Variants in UGT1A10 observed in about 807,000 individuals in gnomAD.
UGT1A10 encodes the protein UDP-glucuronosyltransferase 1A10.
In UGT1A10, 49 loss-of-function variants were observed where a neutral mutation model predicts 45.8. The observed-to-expected ratio is 1.07, with a 90% CI of 0.85 to 1.36. UGT1A10 has a LOEUF of 1.36. Ranked by LOEUF, UGT1A10 falls within the 40% of genes most tolerant of loss-of-function variation. The pLI is 0.00. For missense variants in UGT1A10, 745 were observed against 668.6 expected, an observed-to-expected ratio of 1.11 and a Z score of -1.26; for synonymous variants, 284 against 249.7, an observed-to-expected ratio of 1.14 and a Z score of -1.29.
At chr2:233,690,662 C>A (rs1369472374) in intron 1 of UGT1A10, 3 of 1,274,194 alleles carry the variant, frequency 2.4e-6, no homozygotes, top group African/African-American at 1.5e-5. Flanking sequence ...CAGCACCAAC[C>A]AGGGCAGGCC....
intron 1 of UGT1A10, among the ~76,000 whole-genome samples, chr2:233,748,465 C>G (rs987593580): frequency 6.6e-6 from 1 of 151,790 alleles, no homozygotes; most frequent in African/African-American, 2.4e-5. Context: ...AAAGATGATG[C>G]AACAGCAAAT....
Position 233,769,688 on chromosome 2 carries a change from C to A in UGT1A10, c.1295+1249C>A, listed in dbSNP as rs1385163206. 2.6e-6 allele frequency: 4 copies of A among 1,552,874 alleles called. No homozygotes were observed. The African/African-American group carries it at 5.4e-5, about 21-fold the overall frequency. Reference sequence around the variant, plus strand: ...AGGTGCTAATGTGTGTGTGGTGGCACTGGATAAAAGATCAATGTTGGCTAG... The same window carrying A: ...AGGTGCTAATGTGTGTGTGGTGGCAATGGATAAAAGATCAATGTTGGCTAG... On this transcript the variant is annotated intron_variant, in intron 4 of 4. Coordinates refer to ENST00000344644, the MANE Select transcript of UGT1A10 (RefSeq NM_019075.4). This position sits in a 1 kb window ranked among gnomAD's most constrained non-coding sequence, Gnocchi z 4.4.
In UGT1A10 at chr2:233,772,930, T is replaced by A; in HGVS notation, c.*371T>A. On this transcript the variant is annotated 3_prime_UTR_variant, in exon 5 of 5. Coordinates refer to ENST00000344644, the MANE Select transcript of UGT1A10 (RefSeq NM_019075.4). ...CCTACTGCAAATGGCAGTTTTAATC[T>A]TATCTTTTGGCTTCTGCAGATGGTT... The A allele has an allele frequency of 2.9e-6, 1 of 350,402 alleles. No individual in the cohort carries two copies. The highest frequency in any genetic ancestry group is 3.0e-5 in the South Asian group (1 of 32,922). The allele number at this position is 350,402 out of a possible 1,614,324, so 21.7% of individuals were successfully genotyped here.
chr2:233,702,785 G>A (rs1179853330), intron 1 of UGT1A10, among the ~76,000 whole-genome samples: 1 of 152,106 alleles, frequency 6.6e-6, no homozygotes, highest in Admixed American at 6.5e-5. Flanking sequence ...AGGTGTAAAC[G>A]AACCTTGTAT....
chr2:233,670,423 CCTT>C (rs2074159481), intron 1 of UGT1A10, among the ~76,000 whole-genome samples: 1 of 152,190 alleles, frequency 6.6e-6, no homozygotes. Context: ...CAGTACTAGT[CCTT>C]CTTCCCCATT....
At chr2:233,726,576 C>A (rs1575567713) in intron 1 of UGT1A10, among the ~76,000 whole-genome samples, 1 of 152,154 alleles carries the variant, frequency 6.6e-6, no homozygotes, top group East Asian at 1.9e-4. Flanking sequence ...CGCCTGTCTC[C>A]TTCACTTGTA....
chr2:233,647,212 G>A (rs1262271191), intron 1 of UGT1A10, among the ~76,000 whole-genome samples: 3 of 152,230 alleles, frequency 2.0e-5, no homozygotes, highest in East Asian at 3.8e-4. Context: ...TCCATGACAC[G>A]TGGAAATTGT....
intron 1 of UGT1A10, chr2:233,682,144 A>G: frequency 6.2e-7 from 1 of 1,614,192 alleles, no homozygotes; most frequent in Non-Finnish European, 8.5e-7. Flanking sequence ...TGGGAAGATC[A>G]CTGAATTGCA....
intron 1 of UGT1A10, among the ~76,000 whole-genome samples, chr2:233,664,703 C>T (rs1341231532): frequency 1.3e-5 from 2 of 152,188 alleles, no homozygotes; most frequent in South Asian, 2.1e-4. Context: ...AGGGATCCAC[C>T]CCCATGATCC....
At chr2:233,720,076 G>A (rs1239558691) in intron 1 of UGT1A10, among the ~76,000 whole-genome samples, 1 of 152,116 alleles carries the variant, frequency 6.6e-6, no homozygotes, top group African/African-American at 2.4e-5. Context: ...TTAGAATTGT[G>A]GACATGATAA....
At position 233,637,251 on chromosome 2, in the gene UGT1A10, T is replaced by G. The variant is rs1290858915; in HGVS notation, c.729T>G (p.Asp243Glu). Reference sequence around the variant, plus strand: ...TCCAAACCCCTGTCACGGCATATGATCTCTACAGTCACACATCAATTTGGT... The same window carrying G: ...TCCAAACCCCTGTCACGGCATATGAGCTCTACAGTCACACATCAATTTGGT... Reference protein sequence around the residue: ...EILQTPVTAYDLYSHTSIWLL... With the variant: ...EILQTPVTAYELYSHTSIWLL... Residue 243 changes from aspartate (D) to glutamate (E), a missense_variant, in exon 1 of 5, where the codon GAT becomes GAG. By Grantham distance (45) the Asp-to-Glu change is conservative. Coordinates refer to ENST00000344644, the MANE Select transcript of UGT1A10 (RefSeq NM_019075.4). 1 of 1,613,968 alleles carries G rather than the reference T, an allele frequency of 6.2e-7. No homozygotes were observed. Among genetic ancestry groups the G allele is most frequent in the Admixed American group, 1.7e-5 (1 of 60,014 alleles).
intron 1 of UGT1A10, among the ~76,000 whole-genome samples, chr2:233,757,057 G>A (rs1201778154): frequency 6.6e-6 from 1 of 151,606 alleles, no homozygotes; most frequent in Non-Finnish European, 1.5e-5. Flanking sequence ...TTGGGGAACA[G>A]CAAGGGATCC....
intron 1 of UGT1A10, among the ~76,000 whole-genome samples, chr2:233,668,670 C>T (rs1428443965): frequency 6.6e-6 from 1 of 152,234 alleles, no homozygotes; most frequent in African/African-American, 2.4e-5. Flanking sequence ...ACACTCCCAC[C>T]AACAGGGTAA....
chr2:233,724,487 G>GT (rs1420633653), intron 1 of UGT1A10, among the ~76,000 whole-genome samples: 1 of 75,448 alleles, frequency 1.3e-5, no homozygotes, highest in African/African-American at 5.0e-5. Flanking sequence ...CTCAGACGGG[G>GT]CGGCCGGGCA....
At chr2:233,657,186 C>G (rs1035993385) in intron 1 of UGT1A10, among the ~76,000 whole-genome samples, 1 of 152,228 alleles carries the variant, frequency 6.6e-6, no homozygotes, top group African/African-American at 2.4e-5. Context: ...GGTCCCCCAT[C>G]ATCTCACCTT....
Position 233,727,783 on chromosome 2 carries a change from T to A in UGT1A10, c.856-39251T>A, listed in dbSNP as rs377176798. Among the ~76,000 whole-genome samples, 8 of 152,336 alleles carry A rather than the reference T, an allele frequency of 5.3e-5. No individual in the cohort carries two copies. The East Asian group carries it at 7.7e-4, about 15-fold the overall frequency. Reference sequence around the variant, plus strand: ...AGCTGGGTGTCCCCCAGTAGACGCTTCCATTCACTGCCTGTCCCATGGGTT... The same window carrying A: ...AGCTGGGTGTCCCCCAGTAGACGCTACCATTCACTGCCTGTCCCATGGGTT... On this transcript the variant is annotated intron_variant, in intron 1 of 4. Coordinates refer to ENST00000344644, the MANE Select transcript of UGT1A10 (RefSeq NM_019075.4).
chr2:233,655,480 T>G (rs1156310365), intron 1 of UGT1A10, among the ~76,000 whole-genome samples: 2 of 152,172 alleles, frequency 1.3e-5, no homozygotes, highest in Non-Finnish European at 1.5e-5. Flanking sequence ...GGCTCATGCT[T>G]CTCTTGTCTT....
intron 1 of UGT1A10, among the ~76,000 whole-genome samples, chr2:233,655,847 C>A (rs2073842867): frequency 6.6e-6 from 1 of 152,260 alleles, no homozygotes; most frequent in Admixed American, 6.5e-5. Flanking sequence ...TCAGTTCCCC[C>A]ATCCCCTCAC....
rs2076750903 is a variant in UGT1A10, at chr2:233,719,310, T to G, written c.856-47724T>G. On this transcript the variant is annotated intron_variant, in intron 1 of 4. Transcript: ENST00000344644. The stretch of plus-strand genomic sequence containing the variant: ...CCTCTGTGGGGCGGTGCTGGCTAAG[T>G]ACCTGTCGATTCCTGCTGTGTTTTT... 5 of 1,613,982 alleles carry G rather than the reference T, an allele frequency of 3.1e-6. No homozygotes were observed. In the East Asian group the frequency reaches 1.1e-4, roughly 36 times the overall value.
Sources: gnomAD v4.1 joint callset for allele counts (sites outside exome capture counted in the v4.1 genomes callset) on GRCh38, gnomAD v4.1.1 for gene constraint, Gnocchi (gnomAD v3.1) non-coding constraint, MANE v1.5 for transcripts, NCBI Gene and HGNC (gene_info 2026-07-23, HGNC 2026-07-21) for gene names.